SPHKAP: variants seen among roughly 807,000 people sequenced by gnomAD.
SPHKAP encodes SPHK1 interactor, AKAP domain containing, also known as A-kinase anchor protein SPHKAP.
In SPHKAP, 67 loss-of-function variants were observed where a neutral mutation model predicts 137.5. The ratio of observed to expected loss-of-function variants is 0.49; its 90% CI spans 0.40 to 0.60. SPHKAP has a LOEUF of 0.60. SPHKAP is among the 20% of genes least tolerant of loss of function. The probability of loss-of-function intolerance (pLI) is 0.00; values close to 1 mark genes in which losing one functional copy is unlikely to be tolerated. For synonymous variants in SPHKAP, 813 were observed against 785.3 expected, an observed-to-expected ratio of 1.04 and a Z score of -0.59; for missense variants, 2,097 against 2,069.3, an observed-to-expected ratio of 1.01 and a Z score of -0.26.
intron 3 of SPHKAP, among the ~76,000 whole-genome samples, chr2:228,081,127 A>G (rs1697352593): frequency 1.3e-5 from 2 of 152,252 alleles, no homozygotes; most frequent in South Asian, 4.1e-4. Context: ...CAACAGCTGC[A>G]GAGAAAAGGT....
intron 3 of SPHKAP, among the ~76,000 whole-genome samples, chr2:228,083,876 G>A (rs544382125): frequency 6.6e-6 from 1 of 152,062 alleles, no homozygotes; most frequent in East Asian, 1.9e-4. Context: ...AGTGGGAGTG[G>A]AACAATGAGA....
intron 8 of SPHKAP, among the ~76,000 whole-genome samples, chr2:227,995,042 C>A (rs1436770450): frequency 1.3e-5 from 2 of 152,162 alleles, no homozygotes; most frequent in Non-Finnish European, 2.9e-5. Flanking sequence ...TCCTCTCTAG[C>A]TTTTTGGGAG....
intron 1 of SPHKAP, among the ~76,000 whole-genome samples, chr2:228,151,646 C>A (rs1348167867): frequency 6.6e-6 from 1 of 152,074 alleles, no homozygotes; most frequent in Non-Finnish European, 1.5e-5. Context: ...GAGATGGTAT[C>A]TCATTGTGGT....
chr2:228,083,934 G>T (rs906589192), intron 3 of SPHKAP, among the ~76,000 whole-genome samples: 2 of 151,976 alleles, frequency 1.3e-5, no homozygotes, highest in Non-Finnish European at 2.9e-5. Flanking sequence ...GCCTGTTGTG[G>T]GGTGCAGGGC....
At chr2:228,141,392 A>G (rs1490821167) in intron 1 of SPHKAP, among the ~76,000 whole-genome samples, 6 of 152,208 alleles carry the variant, frequency 3.9e-5, no homozygotes, top group African/African-American at 1.2e-4. Flanking sequence ...ATTACTCAAT[A>G]TGAAACTGAG....
rs982650927 is a variant in SPHKAP at position 228,031,590 on chromosome 2, C to A, written c.247-4047G>T. Among the ~76,000 whole-genome samples the A allele has an allele frequency of 4.6e-5, 7 of 152,224 alleles. No individual in the cohort carries two copies. The East Asian group carries it at 1.4e-3, about 29-fold the overall frequency. On this transcript the variant is annotated intron_variant, in intron 3 of 11. Coordinates refer to ENST00000392056, the MANE Select transcript of SPHKAP (RefSeq NM_001142644.2). ...CCTCCTTAAGCGGGTCCTTGACCCC[C>A]GAGCAGCCTAACTCGGAGGCACCCC...
chr2:227,982,672 C>A (rs183765078), intron 11 of SPHKAP, among the ~76,000 whole-genome samples: 2 of 152,146 alleles, frequency 1.3e-5, no homozygotes, highest in East Asian at 1.9e-4. Flanking sequence ...ACACATGTAA[C>A]CTCATTCAAT....
intron 3 of SPHKAP, among the ~76,000 whole-genome samples, chr2:228,036,889 G>C (rs1464803605): frequency 3.3e-5 from 5 of 151,958 alleles, no homozygotes; most frequent in Non-Finnish European, 4.4e-5. Flanking sequence ...GTTGTGGGGT[G>C]GGAGGAGGGG....
At chr2:228,172,966 G>A (rs1408718448) in intron 1 of SPHKAP, 3 of 878,616 alleles carry the variant, frequency 3.4e-6, no homozygotes, top group Non-Finnish European at 4.1e-6. Context: ...CCTGCCCTAT[G>A]CTTAGAAGTA....
intron 4 of SPHKAP, 83 bp downstream of exon 4, chr2:228,027,401 C>A: frequency 7.1e-7 from 1 of 1,414,186 alleles, no homozygotes; most frequent in Non-Finnish European, 9.9e-7. Flanking sequence ...GAGTCTCCTA[C>A]AAAATGAGCA....
In SPHKAP at chr2:228,018,510, G is replaced by A; in HGVS notation, c.2344C>T (p.Leu782Phe). 1 of 1,614,194 alleles carries A rather than the reference G, an allele frequency of 6.2e-7. No individual in the cohort carries two copies. Among genetic ancestry groups the A allele is most frequent in the African/African-American group, 1.3e-5 (1 of 75,052 alleles). The change falls in exon 7 of 12, where the codon CTT (leucine) becomes TTT (phenylalanine). Residue 782 changes from leucine to phenylalanine, a missense_variant. Coordinates refer to ENST00000392056, the MANE Select transcript of SPHKAP (RefSeq NM_001142644.2). ...SPLSNSHNTS[L>F]VINNLVDGMY... ...CCATCCACAAGATTGTTGATGACAA[G>A]ACTCGTGTTGTGTGAATTGCTAAGT... is the stretch of plus-strand genomic sequence containing the variant.
intron 7 of SPHKAP, among the ~76,000 whole-genome samples, chr2:228,014,979 T>G (rs1029015039): frequency 4.6e-5 from 7 of 152,102 alleles, no homozygotes; most frequent in African/African-American, 1.4e-4. Context: ...TGCAGGTTAG[T>G]TACATATGTA....
At chr2:228,134,497 C>T (rs1202289692) in intron 1 of SPHKAP, among the ~76,000 whole-genome samples, 1 of 152,192 alleles carries the variant, frequency 6.6e-6, no homozygotes, top group Non-Finnish European at 1.5e-5. Context: ...AGGTTTCCTA[C>T]AATGTGGGCC....
In SPHKAP at chr2:228,017,475, C is replaced by T. The variant is rs753808266; in HGVS notation, c.3379G>A (p.Asp1127Asn). ...SKQSSCESIT[D>N]EFSRFMVNQM... ...TTCACCATGAACCTGGAAAACTCAT[C>T]GGTGATGCTCTCACAGCTCGACTGC... Residue 1127 changes from aspartate to asparagine, a missense_variant, in exon 7 of 12, where the codon GAT becomes AAT. Transcript: ENST00000392056. 7 of 1,613,760 alleles carry T rather than the reference C, an allele frequency of 4.3e-6. No homozygotes were observed. The highest frequency in any genetic ancestry group is 4.5e-5 in the East Asian group (2 of 44,854).
intron 1 of SPHKAP, among the ~76,000 whole-genome samples, chr2:228,147,667 G>T (rs35941347): frequency 0.091 from 13,870 of 152,190 alleles, 800 homozygotes; most frequent in Middle Eastern, 0.13. Context: ...TGTGAAATGG[G>T]ACTCATATGA....
At chr2:227,985,848 A>G (rs966120278) in intron 11 of SPHKAP, among the ~76,000 whole-genome samples, 1 of 152,246 alleles carries the variant, frequency 6.6e-6, no homozygotes, top group East Asian at 1.9e-4. Context: ...CAGTCAACTT[A>G]GATTTCTGAA....
intron 1 of SPHKAP, among the ~76,000 whole-genome samples, chr2:228,143,002 GATGATAGACACCAAAC>G (rs1256915400): frequency 6.6e-6 from 1 of 151,968 alleles, no homozygotes. Context: ...ATCTATTTTA[GATGATAGACACCAAAC>G]GAAAGACTTA....
chr2:228,001,049 G>A (rs956406727), intron 7 of SPHKAP, among the ~76,000 whole-genome samples: 2 of 151,976 alleles, frequency 1.3e-5, no homozygotes, highest in Non-Finnish European at 2.9e-5. Flanking sequence ...CCAGCATCTG[G>A]TTTTGTCAGT....
chr2:228,038,011 C>T (rs1296281914), intron 3 of SPHKAP, among the ~76,000 whole-genome samples: 1 of 152,176 alleles, frequency 6.6e-6, no homozygotes, highest in Admixed American at 6.5e-5. Context: ...TCTAGTAGAG[C>T]TGGGGAGTGG....
Sources: gnomAD v4.1 joint callset for allele counts (sites outside exome capture counted in the v4.1 genomes callset) on GRCh38, gnomAD v4.1.1 for gene constraint, MANE v1.5 for transcripts, NCBI Gene and HGNC (gene_info 2026-07-23, HGNC 2026-07-21) for gene names.